The following TMC2 variants were observed in gnomAD, a reference collection of about 807,000 sequenced individuals.
The protein encoded by TMC2 is transmembrane channel like 2, also known as transmembrane channel-like protein 2.
In TMC2, 102 loss-of-function variants were observed where a neutral mutation model predicts 105.9. The ratio of observed to expected loss-of-function variants is 0.96; its 90% confidence interval spans 0.82 to 1.14. The LOEUF (loss-of-function observed/expected upper bound fraction) is 1.14, where lower values mean the gene tolerates loss of function less well. TMC2 is among the 50% of genes most tolerant of loss of function. The pLI is 0.00. For missense variants in TMC2, 1,093 were observed against 1,134.3 expected (o/e 0.96, Z 0.52); for synonymous variants, 402 against 422.8 (o/e 0.95, Z 0.60).
intron 14 of TMC2, 167 bp downstream of exon 14, chr20:2,613,489 A>G (rs1206541456): frequency 7.2e-6 from 7 of 971,632 alleles, no homozygotes; most frequent in Non-Finnish European, 7.8e-6. Context: ...TAAGGGTCCT[A>G]TTTGCCTTCA....
intron 7 of TMC2, among the ~76,000 whole-genome samples, chr20:2,590,074 A>G (rs942681539): frequency 1.1e-4 from 16 of 152,360 alleles, no homozygotes; most frequent in African/African-American, 3.8e-4. Context: ...ATATTACGTA[A>G]CAGTGAAAAT....
At chr20:2,590,687 T>C (rs980246606) in intron 7 of TMC2, among the ~76,000 whole-genome samples, 5 of 152,072 alleles carry the variant, frequency 3.3e-5, no homozygotes, top group African/African-American at 1.2e-4. Flanking sequence ...TAACATCTTA[T>C]ACACTTCGTA....
Position 2,536,674 on chromosome 20 carries a change from C to A in TMC2, c.34+19C>A. On this transcript the variant is annotated intron_variant, in intron 1 of 19. Coordinates refer to ENST00000358864, the MANE Select transcript of TMC2 (RefSeq NM_080751.3). ...GAGGAAGGTGAGTCCACGTCCTGAT[C>A]CTGCGGGGCCCGCCCACAGGGTTCC... The A allele has an allele frequency of 1.3e-6, 2 of 1,567,058 alleles. No homozygotes were observed. The highest frequency in any genetic ancestry group is 1.7e-6 in the Non-Finnish European group (2 of 1,155,578).
rs550328971 is a variant in TMC2, at chr20:2,542,829, C to T, written c.82+5513C>T. On this transcript the variant is annotated intron_variant, in intron 2 of 19. Transcript: ENST00000358864. ...GTCTCAGCCTCCCGAGTAGCTGGGACTACAGGCGAGCACTACCACGCTTGG... is the reference window on the plus strand; with the variant it reads ...GTCTCAGCCTCCCGAGTAGCTGGGATTACAGGCGAGCACTACCACGCTTGG... Among the ~76,000 whole-genome samples, 21 of 151,758 alleles carry T rather than the reference C, an allele frequency of 1.4e-4. No individual in the cohort carries two copies. The South Asian group carries it at 3.1e-3, about 23-fold the overall frequency.
chr20:2,597,341 T>C lies in TMC2; in HGVS notation c.1224+43T>C, dbSNP rs1172536340. The C allele has an allele frequency of 1.9e-6, 3 of 1,587,580 alleles. No homozygotes were observed. In the South Asian group the frequency reaches 3.4e-5, roughly 18 times the overall value. On this transcript the variant is annotated intron_variant, in intron 10 of 19. Coordinates refer to ENST00000358864, the MANE Select transcript of TMC2 (RefSeq NM_080751.3). Reference sequence around the variant, plus strand: ...GTTCCCACTTCCGGAGAACTCTAGGTCCCTCTGGTCATTGAGAGACTTCTC... The same window carrying C: ...GTTCCCACTTCCGGAGAACTCTAGGCCCCTCTGGTCATTGAGAGACTTCTC...
intron 3 of TMC2, among the ~76,000 whole-genome samples, chr20:2,560,012 C>T (rs182688228): frequency 6.6e-6 from 1 of 152,298 alleles, no homozygotes; most frequent in East Asian, 1.9e-4. Context: ...GGAGATAACA[C>T]ATAGGCATTG....
intron 3 of TMC2, among the ~76,000 whole-genome samples, chr20:2,561,339 C>T (rs879084482): frequency 3.9e-5 from 6 of 152,058 alleles, no homozygotes; most frequent in Non-Finnish European, 7.4e-5. Context: ...AATATAAATA[C>T]AAATTAAATA....
At chr20:2,625,366 C>T (rs181731538) in intron 17 of TMC2, among the ~76,000 whole-genome samples, 25 of 152,344 alleles carry the variant, frequency 1.6e-4, no homozygotes, top group Non-Finnish European at 3.1e-4. Context: ...AGATGCACTT[C>T]AAGCCCCACT....
In TMC2 at chr20:2,592,597, C is replaced by G. The variant is rs531374596; in HGVS notation, c.933+189C>G. The stretch of plus-strand genomic sequence containing the variant: ...TCCCGGGTCTCCTTCACGCACTGCT[C>G]TCTCCAGCCACACTCTGACAGATGT... On this transcript the variant is annotated intron_variant, in intron 8 of 19. Coordinates refer to ENST00000358864, the MANE Select transcript of TMC2 (RefSeq NM_080751.3). This position sits in a 1 kb window ranked among gnomAD's most constrained non-coding sequence, Gnocchi z 4.9. Among the ~76,000 whole-genome samples, 97 of 152,306 alleles carry G rather than the reference C, an allele frequency of 6.4e-4. No homozygotes were observed. The highest frequency in any genetic ancestry group is 1.2e-3 in the Non-Finnish European group (85 of 68,026).
intron 7 of TMC2, among the ~76,000 whole-genome samples, chr20:2,589,269 CCTGTGTGT>C (rs1353552603): frequency 9.0e-4 from 76 of 84,704 alleles, no homozygotes; most frequent in African/African-American, 3.6e-3. Flanking sequence ...TCCTATTTGC[CCTGTGTGT>C]GTGTGTGTGT....
chr20:2,640,960 T>C (rs1444461577), intron 19 of TMC2, among the ~76,000 whole-genome samples, 174 bp from the exon 20 acceptor site: 1 of 151,926 alleles, frequency 6.6e-6, no homozygotes, highest in East Asian at 1.9e-4. Flanking sequence ...AACAGATGTG[T>C]TTATGCAAAA....
In TMC2 at chr20:2,541,634, C is replaced by A. The variant is rs2085890336; in HGVS notation, c.82+4318C>A. ...CCAGACTGGGCGACAGAGCAAGACT[C>A]TGTCTCAAAACCAAAAAAAAAAAAA... On this transcript the variant is annotated intron_variant, in intron 2 of 19. Coordinates refer to ENST00000358864, the MANE Select transcript of TMC2 (RefSeq NM_080751.3). Among the ~76,000 whole-genome samples, 3 of 146,878 alleles carry A rather than the reference C, an allele frequency of 2.0e-5. No homozygotes were observed. The South Asian group carries it at 6.4e-4, about 31-fold the overall frequency.
intron 19 of TMC2, 134 bp downstream of exon 19, chr20:2,637,725 G>A: frequency 1.5e-6 from 1 of 664,230 alleles, no homozygotes; most frequent in South Asian, 2.0e-5. Context: ...TATGAAGTTG[G>A]GCAGGTGAAT....
intron 7 of TMC2, among the ~76,000 whole-genome samples, chr20:2,591,751 A>G (rs966569451): frequency 6.6e-6 from 1 of 152,018 alleles, no homozygotes; most frequent in African/African-American, 2.4e-5. Flanking sequence ...AAAAGAAAAG[A>G]AAAGAAAAGG....
intron 4 of TMC2, among the ~76,000 whole-genome samples, chr20:2,567,325 T>C (rs995031362): frequency 6.6e-6 from 1 of 152,132 alleles, no homozygotes; most frequent in Non-Finnish European, 1.5e-5. Flanking sequence ...CTGGAAGTAA[T>C]CAGGCAACAT....
At chr20:2,540,715 T>C (rs1452429210) in intron 2 of TMC2, among the ~76,000 whole-genome samples, 2 of 150,702 alleles carry the variant, frequency 1.3e-5, no homozygotes, top group African/African-American at 4.9e-5. Context: ...CCATGTTTGG[T>C]GCCTCTTTTT....
chr20:2,610,435 C>T lies in TMC2; in HGVS notation c.1430C>T (p.Ser477Phe). 6.2e-7 allele frequency: 1 copy of T among 1,611,924 alleles called. No homozygotes were observed. The highest frequency in any genetic ancestry group is 8.5e-7 in the Non-Finnish European group (1 of 1,178,860). ...ATTCCTCAGGTAGAGATCGTGATGT[C>T]CCTGCTTGGAATGTTTTGTCCCCCT... ...YERNEVEIVM[S>F]LLGMFCPPLF... Residue 477 changes from serine (S) to phenylalanine (F), a missense_variant, in exon 12 of 20, where the codon TCC (serine) becomes TTC (phenylalanine). By Grantham distance (155) the Ser-to-Phe change is radical. Transcript: ENST00000358864.
chr20:2,589,270 C>CTTTGTGTGTGTGTGTGTGTGTGTGTGTG (rs1555774377), intron 7 of TMC2, among the ~76,000 whole-genome samples: 1 of 116,292 alleles, frequency 8.6e-6, no homozygotes, highest in African/African-American at 3.9e-5. Context: ...CCTATTTGCC[C>CTTTGTGTGTGTGTGTGTGTGTGTGTGTG]TGTGTGTGTG....
At chr20:2,614,783 C>G (rs1227197634) in intron 14 of TMC2, among the ~76,000 whole-genome samples, 2 of 151,674 alleles carry the variant, frequency 1.3e-5, no homozygotes, top group African/African-American at 2.4e-5. Flanking sequence ...TTCAAACACA[C>G]TGGGGGGAAA....
Sources: allele counts gnomAD v4.1 joint callset (sites outside exome capture counted in the v4.1 genomes callset), GRCh38; gene constraint gnomAD v4.1.1; non-coding constraint Gnocchi (gnomAD v3.1); transcripts MANE v1.5; gene names NCBI Gene and HGNC (gene_info 2026-07-23, HGNC 2026-07-21).